Variants in ERMAP observed in about 807,000 individuals in gnomAD.
The protein encoded by ERMAP is erythroid membrane-associated protein.
Under a neutral mutation model 49.5 loss-of-function variants are expected in ERMAP, and 34 were observed. The ratio of observed to expected loss-of-function variants is 0.69; its 90% confidence interval spans 0.52 to 0.91. The LOEUF is 0.91. Among genes scored for constraint, ERMAP ranks in the 40% least tolerant of loss-of-function variants. The pLI, the probability that ERMAP is intolerant of heterozygous loss-of-function variation, is 0.00. For missense variants in ERMAP, 541 were observed against 582.6 expected (o/e 0.93, Z 0.74); for synonymous variants, 214 against 232.2 (o/e 0.92, Z 0.71).
intron 1 of ERMAP, among the ~76,000 whole-genome samples, chr1:42,820,089 A>G (rs1403891184): frequency 6.6e-6 from 1 of 152,152 alleles, no homozygotes; most frequent in Non-Finnish European, 1.5e-5. Context: ...TCCACATTGG[A>G]AATTATTTTC....
At chr1:42,817,497 T>C (rs1654278949) in intron 1 of ERMAP, 1 of 162,170 alleles carries the variant, frequency 6.2e-6, no homozygotes, top group Non-Finnish European at 1.3e-5. Flanking sequence ...TGGTTACGGC[T>C]AACCAAAGCT....
At position 42,840,056 on chromosome 1, in the gene ERMAP, A is replaced by C; in HGVS notation, c.658+3A>C. Reference sequence around the variant, plus strand: ...AGAGAAACTCCGGAGTGAACTGAGTAAGTTTCCCATGTTCTTGTAACTTCC... The same window carrying C: ...AGAGAAACTCCGGAGTGAACTGAGTCAGTTTCCCATGTTCTTGTAACTTCC... On this transcript the variant is annotated splice_donor_region_variant and intron_variant, in intron 9 of 11. Transcript: ENST00000372517. 1 of 1,614,144 alleles carries C rather than the reference A, an allele frequency of 6.2e-7. No individual in the cohort carries two copies. The highest frequency in any genetic ancestry group is 8.5e-7 in the Non-Finnish European group (1 of 1,180,026).
chr1:42,827,301 C>T (rs1301438971), intron 2 of ERMAP, among the ~76,000 whole-genome samples: 2 of 152,160 alleles, frequency 1.3e-5, no homozygotes, highest in Non-Finnish European at 2.9e-5. Context: ...TCCCAAGTAG[C>T]TGGGACCACA....
Position 42,831,018 on chromosome 1 carries a change from G to C in ERMAP, c.336G>C (p.Gln112His). The C allele has an allele frequency of 6.2e-7, 1 of 1,614,252 alleles. No homozygotes were observed. Among genetic ancestry groups the C allele is most frequent in the Non-Finnish European group, 8.5e-7 (1 of 1,180,038 alleles). ...RDAQEGSVTL[Q>H]ILDVRLEDQG... ...CCCAAGAGGGAAGTGTCACTCTGCA[G>C]ATCCTTGACGTGCGCCTTGAGGACC... Residue 112 changes from glutamine to histidine, a missense_variant, in exon 4 of 12, where the codon CAG (glutamine) becomes CAC (histidine). Transcript: ENST00000372517.
At position 42,843,291 on chromosome 1, in the gene ERMAP, G is replaced by A. The variant is rs532067352; in HGVS notation, c.*59G>A. 9.3e-5 allele frequency: 119 copies of A among 1,281,860 alleles called. No homozygotes were observed. Among genetic ancestry groups the A allele is most frequent in the Admixed American group, 2.0e-4 (8 of 40,406 alleles). The allele number at this position is 1,281,860 out of a possible 1,614,324, so 79.4% of individuals were successfully genotyped here. ...CAGCCCAGCACCCTGGACTTCAGTC[G>A]CCTGGCCCAACCCCATGATTATGGA... On this transcript the variant is annotated 3_prime_UTR_variant, in exon 12 of 12. Coordinates refer to ENST00000372517, the MANE Select transcript of ERMAP (RefSeq NM_001017922.2).
rs1172901165 is a variant in ERMAP, at chr1:42,844,192, T to G, written c.*960T>G. ...TTGAGTATTTGTGTAGCAAACAGCC[T>G]CTTAGGTTGGAGAGTATTGATTTCA... On this transcript the variant is annotated 3_prime_UTR_variant, in exon 12 of 12. Transcript: ENST00000372517. The surrounding 1 kb of genome is among the most constrained non-coding windows in gnomAD (Gnocchi z 4.0). The G allele has an allele frequency of 5.0e-6, 2 of 398,400 alleles. No homozygotes were observed. Among genetic ancestry groups the G allele is most frequent in the East Asian group, 3.6e-5 (1 of 28,090 alleles). The allele number at this position is 398,400 out of a possible 1,614,324, so 24.7% of individuals were successfully genotyped here. A position where few individuals can be genotyped will look rare whatever the true frequency, so the allele number is the denominator to read the frequency against.
intron 4 of ERMAP, chr1:42,834,533 A>T (rs1308193670): frequency 3.6e-6 from 1 of 280,974 alleles, no homozygotes; most frequent in African/African-American, 2.3e-5. Flanking sequence ...CGAGAGAGGA[A>T]CATCTCAGTT....
chr1:42,827,565 TG>T (rs762487085), intron 2 of ERMAP, among the ~76,000 whole-genome samples: 4 of 152,232 alleles, frequency 2.6e-5, no homozygotes, highest in Non-Finnish European at 5.9e-5. Flanking sequence ...GAATTACAGA[TG>T]ATTTGACATT....
intron 4 of ERMAP, 133 bp downstream of exon 4, chr1:42,831,248 C>G (rs1654721523): frequency 1.8e-6 from 2 of 1,109,260 alleles, no homozygotes; most frequent in South Asian, 3.2e-5. Flanking sequence ...GATGGCTCAG[C>G]CTTACCCAGC....
chr1:42,828,115 T>C (rs1188059084), intron 2 of ERMAP, among the ~76,000 whole-genome samples: 1 of 151,216 alleles, frequency 6.6e-6, no homozygotes, highest in African/African-American at 2.4e-5. Flanking sequence ...TTAGAAGAGA[T>C]GGAGGAAGGG....
rs1416432256 is a variant in ERMAP at position 42,842,581 on chromosome 1, T to C, written c.777T>C (p.Cys259=). The change falls in exon 12 of 12, where the codon TGT becomes TGC. Residue 259 remains cysteine, a synonymous_variant. Coordinates refer to ENST00000372517, the MANE Select transcript of ERMAP (RefSeq NM_001017922.2). ...PKLILSEDQR[C]VRLGDRRQPV... The stretch of plus-strand genomic sequence containing the variant: ...TCATCCTTTCTGAGGACCAAAGATG[T>C]GTAAGGCTTGGAGACAGACGGCAGC... The C allele has an allele frequency of 1.2e-6, 2 of 1,614,156 alleles. No individual in the cohort carries two copies. Among genetic ancestry groups the C allele is most frequent in the South Asian group, 1.1e-5 (1 of 91,082 alleles).
At chr1:42,839,681 T>C (rs1326317087) in intron 8 of ERMAP, 6 of 352,958 alleles carry the variant, frequency 1.7e-5, no homozygotes, top group Non-Finnish European at 2.6e-5. Context: ...TGAGAAAATA[T>C]ACATGATCAC....
rs745714177 is a variant in ERMAP, at chr1:42,840,284, C to T, written c.700C>T (p.Arg234Trp). The T allele has an allele frequency of 4.5e-5, 72 of 1,613,904 alleles. No individual in the cohort carries two copies. Among genetic ancestry groups the T allele is most frequent in the South Asian group, 2.9e-4 (26 of 91,082 alleles). Reference sequence around the variant, plus strand: ...TCATTTTTCAGGCTGGAGAAGAGCCCGGTTGCATTTTGGTAAGTTATACCA... The same window carrying T: ...TCATTTTTCAGGCTGGAGAAGAGCCTGGTTGCATTTTGGTAAGTTATACCA... Reference protein sequence around the residue: ...AAANSGWRRARLHFVAVTLDP... With the variant: ...AAANSGWRRAWLHFVAVTLDP... The change falls in exon 11 of 12, where the codon CGG becomes TGG. Residue 234 changes from arginine (R) to tryptophan (W), a missense_variant. By Grantham distance (101) the Arg-to-Trp change is moderately radical. Coordinates refer to ENST00000372517, the MANE Select transcript of ERMAP (RefSeq NM_001017922.2).
At position 42,830,803 on chromosome 1, in the gene ERMAP, C is replaced by T. The variant is rs1343788746; in HGVS notation, c.121C>T (p.Leu41=). The T allele has an allele frequency of 3.2e-6, 5 of 1,571,512 alleles. No individual in the cohort carries two copies. In the East Asian group the frequency reaches 1.2e-4, roughly 37 times the overall value. ...AGDAGKFHVA[L]LGGTAELLCP... ...GGATGCCGGCAAGTTCCACGTGGCC[C>T]TACTAGGGGGCACAGCCGAGCTGCT... is the stretch of plus-strand genomic sequence containing the variant. Residue 41 remains leucine, a synonymous_variant, in exon 4 of 12, where the codon CTA becomes TTA. Coordinates refer to ENST00000372517, the MANE Select transcript of ERMAP (RefSeq NM_001017922.2).
chr1:42,819,170 CGTGTGTGTGTGTGT>C lies in ERMAP; in HGVS notation c.-122+1941_-122+1954del, dbSNP rs145113385. ...GGTGAGGAAGAGGATAAGTTAGGAG[CGTGTGTGTGTGTGT>C]GTGTGTGTGTGTGTGTGTGTGTGCG... is the stretch of plus-strand genomic sequence containing the variant. On this transcript the variant is annotated intron_variant, in intron 1 of 11. Transcript: ENST00000372517. The surrounding 1 kb of genome is among the most constrained non-coding windows in gnomAD (Gnocchi z 5.1). Among the ~76,000 whole-genome samples, 3 of 142,448 alleles carry C rather than the reference CGTGTGTGTGTGTGT, an allele frequency of 2.1e-5. No individual in the cohort carries two copies. Among genetic ancestry groups the C allele is most frequent in the African/African-American group, 2.6e-5 (1 of 38,608 alleles). The allele number at this position is 142,448 out of a possible 152,430, so 93.5% of individuals were successfully genotyped here.
At chr1:42,829,272 G>A (rs1185164428) in intron 2 of ERMAP, among the ~76,000 whole-genome samples, 1 of 152,060 alleles carries the variant, frequency 6.6e-6, no homozygotes, top group African/African-American at 2.4e-5. Flanking sequence ...AACAGAATTG[G>A]GTGTTTAAAA....
chr1:42,825,911 T>C, intron 2 of ERMAP, 173 bp downstream of exon 2: 2 of 738,048 alleles, frequency 2.7e-6, no homozygotes, highest in Non-Finnish European at 3.8e-6. Context: ...AGTGACAAGA[T>C]TGCTGGATGG....
intron 5 of ERMAP, 72 bp from the exon 6 acceptor site, chr1:42,835,660 C>T (rs1654873194): frequency 6.3e-7 from 1 of 1,594,438 alleles, no homozygotes; most frequent in African/African-American, 1.3e-5. Context: ...CAGCTGGGGG[C>T]ATCTTGGGAC....
chr1:42,821,860 A>T (rs1270027314), intron 1 of ERMAP, among the ~76,000 whole-genome samples: 4 of 152,184 alleles, frequency 2.6e-5, no homozygotes, highest in East Asian at 3.9e-4. Flanking sequence ...AAAAATTTTT[A>T]AAAATAGCTG....
Sources: gnomAD v4.1 joint callset for allele counts (sites outside exome capture counted in the v4.1 genomes callset) on GRCh38, gnomAD v4.1.1 for gene constraint, Gnocchi (gnomAD v3.1) non-coding constraint, MANE v1.5 for transcripts, NCBI Gene and HGNC (gene_info 2026-07-23, HGNC 2026-07-21) for gene names.